ANKRD42: variants seen among roughly 807,000 people sequenced by gnomAD.
The protein encoded by ANKRD42 is ankyrin repeat domain 42, also known as ankyrin repeat domain-containing protein 42.
ANKRD42 carries 43 observed loss-of-function variants against 51.5 expected under a neutral mutation model. The ratio of observed to expected loss-of-function variants is 0.83; its 90% CI spans 0.65 to 1.08. The LOEUF is 1.08. Ranked by LOEUF, ANKRD42 falls within the 50% of genes least tolerant of loss-of-function variation. The probability of loss-of-function intolerance (pLI) is 0.00; values close to 1 mark genes in which losing one functional copy is unlikely to be tolerated. For synonymous variants in ANKRD42, 203 were observed against 213.0 expected (o/e 0.95, Z 0.41); for missense variants, 608 against 629.3 (o/e 0.97, Z 0.36).
Position 83,236,515 on chromosome 11 carries a change from A to G in ANKRD42, c.1019+6A>G. 6.3e-7 allele frequency: 1 copy of G among 1,597,676 alleles called. No homozygotes were observed. Among genetic ancestry groups the G allele is most frequent in the Non-Finnish European group, 8.5e-7 (1 of 1,171,042 alleles). On this transcript the variant is annotated splice_donor_region_variant and intron_variant, in intron 8 of 10. Transcript: ENST00000533342. ...CCCAGTGATGTGGCAAAGAGGTATAAATCTCTGTCTTCTTTACTCCTTTCT... is the reference window on the plus strand; with the variant it reads ...CCCAGTGATGTGGCAAAGAGGTATAGATCTCTGTCTTCTTTACTCCTTTCT...
At chr11:83,239,798 A>G (rs552906713) in intron 8 of ANKRD42, among the ~76,000 whole-genome samples, 3 of 152,324 alleles carry the variant, frequency 2.0e-5, no homozygotes, top group Admixed American at 6.5e-5. Flanking sequence ...GAAGTTTTCC[A>G]TAATTTCTGG....
chr11:83,202,433 A>G (rs2135484493), intron 2 of ANKRD42, among the ~76,000 whole-genome samples: 1 of 152,352 alleles, frequency 6.6e-6, no homozygotes, highest in South Asian at 2.1e-4. Context: ...TGATGCCTCC[A>G]GCTTTGTTCT....
downstream of ANKRD42, among the ~76,000 whole-genome samples, chr11:83,251,454 C>T (rs1863673869): frequency 6.6e-6 from 1 of 152,170 alleles, no homozygotes; most frequent in South Asian, 2.1e-4. Flanking sequence ...AGTGTTAAGA[C>T]TTTATATTCA....
chr11:83,212,724 AC>A, intron 5 of ANKRD42: 2 of 1,536,006 alleles, frequency 1.3e-6, no homozygotes, highest in Non-Finnish European at 1.7e-6. Flanking sequence ...TTTGGCACCT[AC>A]CTACCTGCAT....
At chr11:83,255,957 C>A (rs1252645704) in exon 12 of ANKRD42, 14 of 1,482,876 alleles carry the variant, frequency 9.4e-6, no homozygotes, top group East Asian at 2.5e-5. Context: ...CTAAATTGAC[C>A]TGCTAGATTT....
At chr11:83,233,342 T>C (rs1350346477) in intron 7 of ANKRD42, among the ~76,000 whole-genome samples, 1 of 152,092 alleles carries the variant, frequency 6.6e-6, no homozygotes, top group African/African-American at 2.4e-5. Flanking sequence ...TAGGAATTTA[T>C]TTCTTCTAGA....
chr11:83,237,956 G>GAGTTTT (rs1449023085), intron 8 of ANKRD42, among the ~76,000 whole-genome samples: 3 of 152,258 alleles, frequency 2.0e-5, no homozygotes, highest in African/African-American at 7.2e-5. Flanking sequence ...GCATTTTCTA[G>GAGTTTT]AGTTTTATAT....
intron 8 of ANKRD42, among the ~76,000 whole-genome samples, chr11:83,238,573 G>A (rs914453085): frequency 6.6e-6 from 1 of 152,196 alleles, no homozygotes; most frequent in African/African-American, 2.4e-5. Context: ...GCTCATGCCT[G>A]TAATCCCAGC....
chr11:83,246,405 G>T (rs985212073), intron 10 of ANKRD42, among the ~76,000 whole-genome samples: 3 of 152,260 alleles, frequency 2.0e-5, no homozygotes, highest in Admixed American at 2.0e-4. Flanking sequence ...GTGGGTTTTG[G>T]TGTCTGGAGC....
At chr11:83,250,042 T>C (rs562843441), downstream of ANKRD42, among the ~76,000 whole-genome samples, 3 of 152,294 alleles carry the variant, frequency 2.0e-5, no homozygotes, top group South Asian at 2.1e-4. Flanking sequence ...GATAAATAAA[T>C]GTGTAGAGCC....
chr11:83,222,712 G>C (rs1216732807), intron 5 of ANKRD42, among the ~76,000 whole-genome samples: 1 of 152,024 alleles, frequency 6.6e-6, no homozygotes, highest in Non-Finnish European at 1.5e-5. Flanking sequence ...ACAGAAGTGA[G>C]GGGGTGAGTA....
At chr11:83,257,511 A>G (rs571631080), downstream of ANKRD42, among the ~76,000 whole-genome samples, 24 of 152,304 alleles carry the variant, frequency 1.6e-4, no homozygotes, top group South Asian at 4.6e-3. Context: ...GCCCTTAACT[A>G]TCTCTTAATT....
chr11:83,255,547 TAATGA>T (rs1438166033), intron 11 of ANKRD42, among the ~76,000 whole-genome samples: 2 of 152,172 alleles, frequency 1.3e-5, no homozygotes, highest in Non-Finnish European at 2.9e-5. Flanking sequence ...AGATAAAACT[TAATGA>T]GATAAGACGG....
At position 83,216,942 on chromosome 11, in the gene ANKRD42, C is replaced by T. The variant is rs190854780; in HGVS notation, c.586+5512C>T. ...CTGGCTACTTCCTGCTGGTTAGGGG[C>T]GAAGAAGGGGCCCTGCAGTTGTGGT... On this transcript the variant is annotated intron_variant, in intron 5 of 10. Transcript: ENST00000533342. 1.4e-4 allele frequency among the ~76,000 whole-genome samples: 21 copies of T among 152,122 alleles called. No homozygotes were observed. In the South Asian group the frequency reaches 3.1e-3, roughly 23 times the overall value.
intron 2 of ANKRD42, 77 bp from the exon 3 acceptor site, chr11:83,205,978 TATG>T (rs988388277): frequency 4.9e-6 from 6 of 1,234,964 alleles, no homozygotes; most frequent in Admixed American, 3.8e-5. Flanking sequence ...TCTGCTATTT[TATG>T]ATAACAGACC....
intron 5 of ANKRD42, among the ~76,000 whole-genome samples, chr11:83,220,228 C>A (rs1862676472): frequency 6.6e-6 from 1 of 152,188 alleles, no homozygotes; most frequent in African/African-American, 2.4e-5. Flanking sequence ...CTAAAGCTCC[C>A]AACCCCGAAG....
chr11:83,245,224 C>A lies in ANKRD42; in HGVS notation c.1196-274C>A, dbSNP rs530546574. Among the ~76,000 whole-genome samples, 6 of 152,308 alleles carry A rather than the reference C, an allele frequency of 3.9e-5. No individual in the cohort carries two copies. In the East Asian group the frequency reaches 1.2e-3, roughly 29 times the overall value. The stretch of plus-strand genomic sequence containing the variant: ...GGTCAATACTGCTAGTCTTTTAAAA[C>A]CTTCTTGTTCATAGCGTTAATAGTC... On this transcript the variant is annotated intron_variant, in intron 9 of 10. Coordinates refer to ENST00000533342, the MANE Select transcript of ANKRD42 (RefSeq NM_001300975.2).
In ANKRD42 at chr11:83,224,711, G is replaced by C. The variant is rs1590989681; in HGVS notation, c.587-144G>C. On this transcript the variant is annotated intron_variant, in intron 5 of 10. Transcript: ENST00000533342. ...GGTGGGGGGAATCACTTGAGCCCAG[G>C]AGTTGGAGGCTATAATGAGCTATGA... 4 of 534,900 alleles carry C rather than the reference G, an allele frequency of 7.5e-6. No homozygotes were observed. The East Asian group carries it at 1.4e-4, about 19-fold the overall frequency. 33.1% of individuals were successfully genotyped at this position (534,900 alleles called of 1,614,324 possible). A position where few individuals can be genotyped will look rare whatever the true frequency, so the allele number is the denominator to read the frequency against.
chr11:83,211,525 G>A (rs1862318043), intron 5 of ANKRD42, 95 bp downstream of exon 5: 1 of 1,382,146 alleles, frequency 7.2e-7, no homozygotes, highest in African/African-American at 1.4e-5. Context: ...GGTTGAGCGT[G>A]GTGGCTTACA....
Sources: gnomAD v4.1 joint callset for allele counts (sites outside exome capture counted in the v4.1 genomes callset) on GRCh38, gnomAD v4.1.1 for gene constraint, MANE v1.5 for transcripts, NCBI Gene and HGNC (gene_info 2026-07-23, HGNC 2026-07-21) for gene names.